FAM81B: variants seen among roughly 807,000 people sequenced by gnomAD.
FAM81B encodes the protein family with sequence similarity 81 member B.
FAM81B carries 60 observed loss-of-function variants against 58.7 expected under a neutral mutation model. That is an observed-to-expected ratio of 1.02 (90% CI 0.83 to 1.27). FAM81B has a LOEUF of 1.27. Among genes scored for constraint, FAM81B ranks in the 50% most tolerant of loss-of-function variants. The pLI, the probability that FAM81B is intolerant of heterozygous loss-of-function variation, is 0.00. For missense variants in FAM81B, 491 were observed against 522.0 expected, an observed-to-expected ratio of 0.94 and a Z score of 0.58; for synonymous variants, 189 against 179.6, an observed-to-expected ratio of 1.05 and a Z score of -0.42.
Position 95,399,304 on chromosome 5 carries a change from C to T in FAM81B, c.293+3129C>T, listed in dbSNP as rs553060514. 1.1e-4 allele frequency among the ~76,000 whole-genome samples: 16 copies of T among 152,260 alleles called. No individual in the cohort carries two copies. In the East Asian group the frequency reaches 1.2e-3, roughly 11 times the overall value. The stretch of plus-strand genomic sequence containing the variant: ...CACCATGGCAGACACTTTATTATTC[C>T]GTGATGCATTGCTTTTGTTACTACA... On this transcript the variant is annotated intron_variant, in intron 3 of 9. Transcript: ENST00000283357.
Position 95,446,650 on chromosome 5 carries a change from C to A in FAM81B, c.982C>A (p.His328Asn). The change falls in exon 8 of 10, where the codon CAC (histidine) becomes AAC (asparagine). Residue 328 changes from histidine to asparagine, a missense_variant. His to Asn is a moderately conservative substitution (Grantham distance 68, BLOSUM62 1). Coordinates refer to ENST00000283357, the MANE Select transcript of FAM81B (RefSeq NM_152548.3). ...CCAATTTCTCAAATATAGAAAAGAC[C>A]ACCTGGGCCATATAAATGAATGTCT... The part of the protein sequence containing the change: ...ENQFLKYRKD[H>N]LGHINECLKV... 6.2e-7 allele frequency: 1 copy of A among 1,612,758 alleles called. No homozygotes were observed. Among genetic ancestry groups the A allele is most frequent in the Non-Finnish European group, 8.5e-7 (1 of 1,179,670 alleles).
chr5:95,446,736 T>C, intron 8 of FAM81B, 39 bp downstream of exon 8: 3 of 1,601,208 alleles, frequency 1.9e-6, no homozygotes, highest in East Asian at 2.2e-5. Flanking sequence ...AGCACCTGCA[T>C]AGTCCTTGTT....
Position 95,450,129 on chromosome 5 carries a change from A to G in FAM81B, c.1226-20A>G, listed in dbSNP as rs768748899. The stretch of plus-strand genomic sequence containing the variant: ...TCTAATGCATTGTTTAAGTGTACCT[A>G]TTCTTTTACCCTCTTACAGGATTTA... On this transcript the variant is annotated intron_variant, in intron 9 of 9. Transcript: ENST00000283357. 6.3e-7 allele frequency: 1 copy of G among 1,595,558 alleles called. No individual in the cohort carries two copies. The highest frequency in any genetic ancestry group is 1.2e-5 in the South Asian group (1 of 86,576).
chr5:95,448,786 G>A lies in FAM81B; in HGVS notation c.1225+322G>A, dbSNP rs993976805. On this transcript the variant is annotated intron_variant, in intron 9 of 9. Transcript: ENST00000283357. The stretch of plus-strand genomic sequence containing the variant: ...GAAAATCCTTGGACATACCCAAGAC[G>A]TGACTTGTGGGTATGTTATGAAATT... The A allele has an allele frequency of 4.2e-5, 19 of 454,438 alleles. 1 individual carries two copies. The highest frequency in any genetic ancestry group is 8.4e-5 in the South Asian group (5 of 59,294). The allele number at this position is 454,438 out of a possible 1,614,324, so 28.2% of individuals were successfully genotyped here. A position where few individuals can be genotyped will look rare whatever the true frequency, so the allele number is the denominator to read the frequency against.
At chr5:95,423,362 G>A (rs896194469) in intron 5 of FAM81B, among the ~76,000 whole-genome samples, 3 of 152,010 alleles carry the variant, frequency 2.0e-5, no homozygotes, top group African/African-American at 7.2e-5. Flanking sequence ...AGGGGCTTGC[G>A]TGGGTCATCA....
chr5:95,423,936 T>G (rs925504538), intron 5 of FAM81B: 114 of 1,085,124 alleles, frequency 1.1e-4, no homozygotes, highest in South Asian at 1.5e-4. Flanking sequence ...GAGGCTCGGG[T>G]GGGTCATCGG....
rs190041811 is a variant in FAM81B, at chr5:95,394,097, C to T, written c.228+1200C>T. On this transcript the variant is annotated intron_variant, in intron 2 of 9. Coordinates refer to ENST00000283357, the MANE Select transcript of FAM81B (RefSeq NM_152548.3). ...TTGTTCTAGGTAGCAAAATTACAAG[C>T]GAGAATTTTTATTCTGTATCTTTAA... 7.9e-4 allele frequency among the ~76,000 whole-genome samples: 120 copies of T among 152,198 alleles called. No homozygotes were observed. The East Asian group carries it at 0.013, about 16-fold the overall frequency.
rs190287283 is a variant in FAM81B at position 95,430,572 on chromosome 5, A to G, written c.786+1840A>G. 3.8e-3 allele frequency among the ~76,000 whole-genome samples: 576 copies of G among 152,070 alleles called. 4 individuals carry two copies. Among genetic ancestry groups the G allele is most frequent in the South Asian group, 7.7e-3 (37 of 4,826 alleles). Reference sequence around the variant, plus strand: ...CAGTTAACTGCTCTTGCATAGATGGACATTTGGGTTCTTTTAAATATTTTG... The same window carrying G: ...CAGTTAACTGCTCTTGCATAGATGGGCATTTGGGTTCTTTTAAATATTTTG... On this transcript the variant is annotated intron_variant, in intron 6 of 9. Coordinates refer to ENST00000283357, the MANE Select transcript of FAM81B (RefSeq NM_152548.3).
At chr5:95,411,397 A>G (rs1202529781) in intron 3 of FAM81B, among the ~76,000 whole-genome samples, 1 of 152,340 alleles carries the variant, frequency 6.6e-6, no homozygotes, top group East Asian at 1.9e-4. Context: ...ATATAAAAAC[A>G]TGACAGAGCA....
intron 3 of FAM81B, among the ~76,000 whole-genome samples, chr5:95,407,091 G>C (rs1451143535): frequency 3.3e-5 from 5 of 152,076 alleles, no homozygotes; most frequent in Non-Finnish European, 7.4e-5. Context: ...TGGGACCAAA[G>C]TCTGCTCTGT....
intron 3 of FAM81B, among the ~76,000 whole-genome samples, chr5:95,405,209 A>G (rs1762213935): frequency 6.6e-6 from 1 of 152,204 alleles, no homozygotes; most frequent in South Asian, 2.1e-4. Context: ...CATGACTAGC[A>G]TTAATGTCCC....
intron 4 of FAM81B, among the ~76,000 whole-genome samples, chr5:95,418,750 C>T (rs1383205567): frequency 1.3e-5 from 2 of 152,032 alleles, no homozygotes; most frequent in Non-Finnish European, 2.9e-5. Flanking sequence ...TAGAAAGTTC[C>T]TCATTCAAAG....
rs760701464 is a variant in FAM81B, at chr5:95,448,298, A to T, written c.1059A>T (p.Lys353Asn). The change falls in exon 9 of 10, where the codon AAA becomes AAT. Residue 353 changes from lysine (K) to asparagine (N), a missense_variant. By Grantham distance (94) the Lys-to-Asn change is moderately conservative. Transcript: ENST00000283357. ...LEKSENKMEEKLLQLSSKVEN... is the reference protein window; with the variant it reads ...LEKSENKMEENLLQLSSKVEN... Reference sequence around the variant, plus strand: ...AGTCTGAAAATAAAATGGAAGAAAAACTGCTGCAGCTTTCAAGCAAAGTAG... The same window carrying T: ...AGTCTGAAAATAAAATGGAAGAAAATCTGCTGCAGCTTTCAAGCAAAGTAG... The T allele has an allele frequency of 1.9e-6, 3 of 1,603,452 alleles. No individual in the cohort carries two copies. The highest frequency in any genetic ancestry group is 2.7e-5 in the African/African-American group (2 of 74,150).
chr5:95,396,472 A>C (rs1272211184), intron 3 of FAM81B: 1 of 226,960 alleles, frequency 4.4e-6, no homozygotes, highest in Admixed American at 5.7e-5. Flanking sequence ...ATATTGCAAC[A>C]ATATCAGATA....
chr5:95,402,824 C>G (rs113689455), intron 3 of FAM81B, among the ~76,000 whole-genome samples: 1,915 of 152,302 alleles, frequency 0.013, 40 homozygotes, highest in African/African-American at 0.044. Flanking sequence ...GTTTCACCAC[C>G]CTCTCTACTG....
intron 6 of FAM81B, among the ~76,000 whole-genome samples, chr5:95,431,905 GT>G (rs576992148): frequency 6.6e-6 from 1 of 151,862 alleles, no homozygotes; most frequent in Non-Finnish European, 1.5e-5. Context: ...TTTAGCTCAT[GT>G]TTTTTCATTT....
At chr5:95,436,363 G>A (rs995012211) in intron 6 of FAM81B, among the ~76,000 whole-genome samples, 57 of 152,246 alleles carry the variant, frequency 3.7e-4, no homozygotes, top group Middle Eastern at 3.4e-3. Flanking sequence ...TATTCAATAA[G>A]TATTTGTTGA....
At chr5:95,434,622 G>T (rs879402485) in intron 6 of FAM81B, among the ~76,000 whole-genome samples, 1 of 152,110 alleles carries the variant, frequency 6.6e-6, no homozygotes, top group Non-Finnish European at 1.5e-5. Flanking sequence ...ACATCTTTTC[G>T]AGCCCATTCT....
chr5:95,435,998 GC>G (rs1331744501), intron 6 of FAM81B, among the ~76,000 whole-genome samples: 10 of 152,042 alleles, frequency 6.6e-5, no homozygotes, highest in Non-Finnish European at 2.9e-5. Flanking sequence ...TTTATTAAAT[GC>G]CCACTCTCCT....
Sources: allele counts gnomAD v4.1 joint callset (sites outside exome capture counted in the v4.1 genomes callset), GRCh38; gene constraint gnomAD v4.1.1; transcripts MANE v1.5; gene names NCBI Gene and HGNC (gene_info 2026-07-23, HGNC 2026-07-21).